The following EML1 variants were observed in gnomAD, a reference collection of about 807,000 sequenced individuals.
The protein encoded by EML1 is echinoderm microtubule-associated protein-like 1.
EML1 carries 27 observed loss-of-function variants against 110.4 expected under a neutral mutation model. The observed-to-expected ratio is 0.24, with a 90% CI of 0.18 to 0.34. The LOEUF (loss-of-function observed/expected upper bound fraction) is 0.34. Among genes scored for constraint, EML1 ranks in the 10% least tolerant of loss-of-function variants. EML1 has a pLI of 1.00. For missense variants in EML1, 741 were observed against 1,030.9 expected (o/e 0.72, Z 3.85); for synonymous variants, 344 against 385.8 (o/e 0.89, Z 1.27).
chr14:99,748,913 C>T (rs1296201876), intron 1 of EML1, among the ~76,000 whole-genome samples: 2 of 152,200 alleles, frequency 1.3e-5, no homozygotes, highest in Non-Finnish European at 1.5e-5. Flanking sequence ...AATCCTGTAA[C>T]ACGTGGCCTT....
chr14:99,886,754 G>A (rs964902473), intron 4 of EML1, among the ~76,000 whole-genome samples: 1 of 152,204 alleles, frequency 6.6e-6, no homozygotes, highest in Non-Finnish European at 1.5e-5. Context: ...GGTTAGGTTA[G>A]TTAATGTAGA....
chr14:99,883,229 A>G (rs909320435), intron 4 of EML1: 1 of 152,142 alleles, frequency 6.6e-6, no homozygotes, highest in African/African-American at 2.4e-5. Flanking sequence ...TTATACAAGT[A>G]ACTTGTTTTA....
At chr14:99,904,546 CTTA>C (rs149341489) in intron 9 of EML1, among the ~76,000 whole-genome samples, 5 of 151,666 alleles carry the variant, frequency 3.3e-5, no homozygotes, top group African/African-American at 1.2e-4. Context: ...TTGATTTAAG[CTTA>C]TTATTATTAT....
Position 99,834,270 on chromosome 14 carries a change from AT to A in EML1, c.68-16582del, listed in dbSNP as rs200141983. Among the ~76,000 whole-genome samples the A allele has an allele frequency of 3.4e-3, 511 of 151,784 alleles. 5 individuals are homozygous for A. Among genetic ancestry groups the A allele is most frequent in the African/African-American group, 0.012 (488 of 41,382 alleles). On this transcript the variant is annotated intron_variant, in intron 1 of 21. Transcript: ENST00000262233. ...AATAGGTCATGATGTATTCTTTTTT[AT>A]ATAAGACTTTCATTTCCTAAAATTT...
At chr14:99,804,797 C>T (rs1463451724) in intron 1 of EML1, among the ~76,000 whole-genome samples, 1 of 152,192 alleles carries the variant, frequency 6.6e-6, no homozygotes, top group Non-Finnish European at 1.5e-5. Context: ...CCTACTTCTT[C>T]AGCACTTTTA....
At chr14:99,896,685 A>G (rs2059676032) in intron 6 of EML1, among the ~76,000 whole-genome samples, 1 of 152,034 alleles carries the variant, frequency 6.6e-6, no homozygotes, top group Non-Finnish European at 1.5e-5. Context: ...AGGTTTGGAA[A>G]TATAATGCAA....
intron 1 of EML1, among the ~76,000 whole-genome samples, chr14:99,824,656 A>G (rs1204365264): frequency 1.3e-5 from 2 of 151,932 alleles, no homozygotes; most frequent in African/African-American, 4.8e-5. Context: ...ACATGGACAT[A>G]TTGCATAATG....
intron 3 of EML1, among the ~76,000 whole-genome samples, chr14:99,876,474 T>C (rs968945541): frequency 2.6e-5 from 4 of 152,104 alleles, no homozygotes; most frequent in Admixed American, 6.6e-5. Flanking sequence ...ACTCCTTCTC[T>C]CCTGGTGTCG....
At chr14:99,887,006 G>A (rs900786808) in intron 4 of EML1, among the ~76,000 whole-genome samples, 2 of 152,246 alleles carry the variant, frequency 1.3e-5, no homozygotes, top group Non-Finnish European at 1.5e-5. Flanking sequence ...CCTCTGCGGT[G>A]TTGACCGCAC....
intron 3 of EML1, 77 bp downstream of exon 3, chr14:99,865,723 A>G: frequency 6.6e-7 from 1 of 1,507,846 alleles, no homozygotes; most frequent in Non-Finnish European, 8.9e-7. Flanking sequence ...TTACTTTTTA[A>G]AATGACATTG....
intron 1 of EML1, among the ~76,000 whole-genome samples, chr14:99,812,863 G>A (rs1312729061): frequency 6.6e-6 from 1 of 152,170 alleles, no homozygotes; most frequent in Non-Finnish European, 1.5e-5. Flanking sequence ...TTAAAAGCAA[G>A]TAAACAGATA....
chr14:99,870,259 C>T (rs528655461), intron 3 of EML1, among the ~76,000 whole-genome samples: 1 of 152,288 alleles, frequency 6.6e-6, no homozygotes, highest in Non-Finnish European at 1.5e-5. Flanking sequence ...AGAGCAAGGC[C>T]TTAACTCTCT....
At chr14:99,765,063 G>A (rs999388882) in intron 1 of EML1, among the ~76,000 whole-genome samples, 3 of 151,712 alleles carry the variant, frequency 2.0e-5, no homozygotes, top group East Asian at 1.9e-4. Flanking sequence ...TCAGCCTCCC[G>A]AGTAGCCAGG....
chr14:99,862,634 C>T (rs1366351957), intron 2 of EML1, among the ~76,000 whole-genome samples: 2 of 152,054 alleles, frequency 1.3e-5, no homozygotes, highest in Non-Finnish European at 2.9e-5. Flanking sequence ...CAAATTGTTC[C>T]AGCTTTGGCC....
intron 3 of EML1, among the ~76,000 whole-genome samples, chr14:99,870,269 T>C (rs1315192210): frequency 1.3e-5 from 2 of 152,218 alleles, no homozygotes; most frequent in African/African-American, 4.8e-5. Flanking sequence ...CTTAACTCTC[T>C]TCAATTTTAT....
At chr14:99,907,876 G>A (rs953832217) in intron 10 of EML1, 143 bp downstream of exon 10, 17 of 687,468 alleles carry the variant, frequency 2.5e-5, no homozygotes, top group African/African-American at 5.4e-5. Flanking sequence ...GTTTGGCCCC[G>A]ATCCCTGTCC....
chr14:99,825,264 G>A lies in EML1; in HGVS notation c.68-25589G>A, dbSNP rs184997838. 2.7e-4 allele frequency among the ~76,000 whole-genome samples: 41 copies of A among 152,324 alleles called. No homozygotes were observed. In the East Asian group the frequency reaches 4.2e-3, roughly 16 times the overall value. On this transcript the variant is annotated intron_variant, in intron 1 of 21. Coordinates refer to ENST00000262233, the MANE Select transcript of EML1 (RefSeq NM_004434.3). ...GCCTCCCAAAGTGCTGGGATTACAA[G>A]TATGAGCCCTGTGCCTGGCCACCAC...
upstream of EML1, among the ~76,000 whole-genome samples, chr14:99,789,899 CT>C (rs201689599): frequency 3.0e-4 from 46 of 152,316 alleles, 2 homozygotes; most frequent in African/African-American, 1.0e-3. Flanking sequence ...GAATATCAGT[CT>C]GTTAAAATGT....
rs768759727 is a variant in EML1 at position 99,897,208 on chromosome 14, C to G, written c.741C>G (p.Val247=). The G allele has an allele frequency of 6.2e-7, 1 of 1,613,160 alleles. No homozygotes were observed. The highest frequency in any genetic ancestry group is 8.5e-7 in the Non-Finnish European group (1 of 1,179,598). The change falls in exon 7 of 22, where the codon GTC becomes GTG. Residue 247 remains valine, a synonymous_variant. Transcript: ENST00000262233. ...NLYLLPTGET[V]YFIASVVVLY... ...ACTTGCTTCCGACGGGAGAGACCGT[C>G]TACTTCATCGCATCCGTGGTGGTGT...
Sources: allele counts gnomAD v4.1 joint callset (sites outside exome capture counted in the v4.1 genomes callset), GRCh38; gene constraint gnomAD v4.1.1; transcripts MANE v1.5; gene names NCBI Gene and HGNC (gene_info 2026-07-23, HGNC 2026-07-21).